MYLK4: variants seen among roughly 807,000 people sequenced by gnomAD.
MYLK4 encodes the protein myosin light chain kinase family member 4.
Under a neutral mutation model 48.1 loss-of-function variants are expected in MYLK4, and 46 were observed. The ratio of observed to expected loss-of-function variants is 0.96; its 90% confidence interval spans 0.75 to 1.22. The LOEUF is 1.22. MYLK4 is among the 50% of genes most tolerant of loss of function. MYLK4 has a pLI of 0.00. For synonymous variants in MYLK4, 170 were observed against 180.8 expected (o/e 0.94, Z 0.48); for missense variants, 451 against 486.1 (o/e 0.93, Z 0.68).
At chr6:2,697,503 C>T (rs1213975985) in intron 2 of MYLK4, among the ~76,000 whole-genome samples, 5 of 152,222 alleles carry the variant, frequency 3.3e-5, no homozygotes, top group East Asian at 3.8e-4. Flanking sequence ...CAGGCGTGTG[C>T]CGGCTACCTG....
chr6:2,678,704 G>C (rs1761178354), intron 9 of MYLK4, among the ~76,000 whole-genome samples: 1 of 146,802 alleles, frequency 6.8e-6, no homozygotes, highest in African/African-American at 2.5e-5. Flanking sequence ...AGTCATTTAG[G>C]AGATCAGTTT....
chr6:2,739,484 G>A (rs533188670), intron 2 of MYLK4, among the ~76,000 whole-genome samples: 1 of 152,120 alleles, frequency 6.6e-6, no homozygotes, highest in African/African-American at 2.4e-5. Context: ...TACAACCTGT[G>A]GGTCAGAGCA....
chr6:2,749,397 T>G lies in MYLK4; in HGVS notation c.-103A>C, dbSNP rs78647583. 0.017 allele frequency: 14,301 copies of G among 862,052 alleles called. 273 individuals are homozygous for G. The highest frequency in any genetic ancestry group is 0.069 in the South Asian group (3,142 of 45,514). 53.4% of individuals were successfully genotyped at this position (862,052 alleles called of 1,614,324 possible). A position where few individuals can be genotyped will look rare whatever the true frequency, so the allele number is the denominator to read the frequency against. On this transcript the variant is annotated 5_prime_UTR_variant, in exon 2 of 13. Transcript: ENST00000274643. ...CACAATTATGACTCTTCAGTGCTTC[T>G]TTCTCTTGACTGCAAAGAAAGGAAA...
chr6:2,765,454 G>C, the MYLK4 span: 2 of 795,828 alleles, frequency 2.5e-6, no homozygotes, highest in African/African-American at 1.8e-5. Flanking sequence ...GCGGACGCGG[G>C]AGCTGCGGAC....
In MYLK4 at chr6:2,677,003, G is replaced by C. The variant is rs557809428; in HGVS notation, c.1040+1217C>G. Among the ~76,000 whole-genome samples the C allele has an allele frequency of 2.6e-5, 4 of 152,032 alleles. No homozygotes were observed. The East Asian group carries it at 7.8e-4, about 29-fold the overall frequency. Reference sequence around the variant, plus strand: ...CATAATAATAACCTTGGCTGTTATTGTGCCTTTCCATCAAGGCACAATACT... The same window carrying C: ...CATAATAATAACCTTGGCTGTTATTCTGCCTTTCCATCAAGGCACAATACT... On this transcript the variant is annotated intron_variant, in intron 10 of 12. Coordinates refer to ENST00000274643, the MANE Select transcript of MYLK4 (RefSeq NM_001012418.5).
chr6:2,690,823 CTTTTTTTTTTTTTT>C (rs35133716), intron 3 of MYLK4, among the ~76,000 whole-genome samples: 1 of 88,834 alleles, frequency 1.1e-5, no homozygotes, highest in Admixed American at 1.4e-4. Flanking sequence ...CTCTCTGAAT[CTTTTTTTTTTTTTT>C]TTTTTTTTTT....
the MYLK4 span, among the ~76,000 whole-genome samples, chr6:2,761,936 G>T: frequency 6.6e-6 from 1 of 152,016 alleles, no homozygotes; most frequent in African/African-American, 2.4e-5. Context: ...TTTTTGAGAC[G>T]GATTCTCGCT....
chr6:2,714,208 C>G (rs1045771674), intron 2 of MYLK4, among the ~76,000 whole-genome samples: 2 of 152,134 alleles, frequency 1.3e-5, no homozygotes, highest in African/African-American at 4.8e-5. Flanking sequence ...CAAAGGAATC[C>G]CCAGCTGGCC....
chr6:2,723,928 G>T (rs1436322814), intron 2 of MYLK4, among the ~76,000 whole-genome samples: 1 of 152,038 alleles, frequency 6.6e-6, no homozygotes, highest in Non-Finnish European at 1.5e-5. Flanking sequence ...CCAGACTGGA[G>T]GGCAGTGGCG....
At chr6:2,709,398 C>A (rs1255089192) in intron 2 of MYLK4, among the ~76,000 whole-genome samples, 1 of 152,238 alleles carries the variant, frequency 6.6e-6, no homozygotes, top group Non-Finnish European at 1.5e-5. Context: ...TGTGGATCTG[C>A]CCGTGAGGCA....
At chr6:2,693,951 G>GT (rs1761916846) in intron 2 of MYLK4, among the ~76,000 whole-genome samples, 1 of 152,002 alleles carries the variant, frequency 6.6e-6, no homozygotes, top group African/African-American at 2.4e-5. Context: ...TAGAGACGGG[G>GT]TTTTGCCACA....
At chr6:2,760,798 C>T in the MYLK4 span, among the ~76,000 whole-genome samples, 75 of 152,210 alleles carry the variant, frequency 4.9e-4, no homozygotes, top group Middle Eastern at 0.014. Context: ...AAAGGTTCTA[C>T]TTACAATAGT....
At chr6:2,753,233 T>C (rs1281789704), upstream of MYLK4, among the ~76,000 whole-genome samples, 1 of 152,202 alleles carries the variant, frequency 6.6e-6, no homozygotes, top group African/African-American at 2.4e-5. Flanking sequence ...AGAGACTGTG[T>C]TGTCAAAGGA....
At chr6:2,725,615 CAAACAA>C (rs1486837627) in intron 2 of MYLK4, among the ~76,000 whole-genome samples, 1 of 126,740 alleles carries the variant, frequency 7.9e-6, no homozygotes, top group African/African-American at 3.3e-5. Context: ...AACAAACAAA[CAAACAA>C]AGAAGGAAAG....
chr6:2,767,543 A>C, the MYLK4 span, among the ~76,000 whole-genome samples: 1 of 152,194 alleles, frequency 6.6e-6, no homozygotes, highest in Non-Finnish European at 1.5e-5. Flanking sequence ...TTGGCCAGGA[A>C]TAAACCACAT....
At chr6:2,766,259 C>T in the MYLK4 span, 47 of 1,531,668 alleles carry the variant, frequency 3.1e-5, no homozygotes, top group African/African-American at 2.8e-4. Flanking sequence ...CCCCCGGGCG[C>T]TGGCTGCCGA....
At chr6:2,761,106 T>G in the MYLK4 span, among the ~76,000 whole-genome samples, 2 of 152,210 alleles carry the variant, frequency 1.3e-5, no homozygotes, top group African/African-American at 4.8e-5. Context: ...ATAAAATACC[T>G]GCTCATAGGC....
chr6:2,756,521 C>T, the MYLK4 span, among the ~76,000 whole-genome samples: 4 of 152,084 alleles, frequency 2.6e-5, no homozygotes, highest in Admixed American at 6.5e-5. Context: ...TTTTTTGCTA[C>T]GGGGGTGTCA....
At chr6:2,713,239 G>A (rs996066144) in intron 2 of MYLK4, among the ~76,000 whole-genome samples, 4 of 151,800 alleles carry the variant, frequency 2.6e-5, no homozygotes, top group African/African-American at 4.8e-5. Context: ...GCATGGTGGT[G>A]CATGCCTGTA....
Sources: gnomAD v4.1 joint callset for allele counts (sites outside exome capture counted in the v4.1 genomes callset) on GRCh38, gnomAD v4.1.1 for gene constraint, MANE v1.5 for transcripts, NCBI Gene and HGNC (gene_info 2026-07-23, HGNC 2026-07-21) for gene names.